Variants in XKR4 observed in about 807,000 individuals in gnomAD.
XKR4 encodes XK-related protein 4.
In XKR4, 12 loss-of-function variants were observed where a neutral mutation model predicts 53.9. That is an observed-to-expected ratio of 0.22 (90% CI 0.14 to 0.36). The LOEUF is 0.36. Among genes scored for constraint, XKR4 ranks in the 10% least tolerant of loss-of-function variants. The probability of loss-of-function intolerance (pLI) is 1.00; values close to 1 mark genes in which losing one functional copy is unlikely to be tolerated. For synonymous variants in XKR4, 354 were observed against 362.4 expected, an observed-to-expected ratio of 0.98 and a Z score of 0.26; for missense variants, 799 against 859.5, an observed-to-expected ratio of 0.93 and a Z score of 0.88.
At chr8:55,466,585 T>A (rs977849539) in intron 2 of XKR4, among the ~76,000 whole-genome samples, 4 of 151,818 alleles carry the variant, frequency 2.6e-5, no homozygotes, top group Non-Finnish European at 5.9e-5. Flanking sequence ...TGTATACATA[T>A]GTAACAAACC....
chr8:55,307,368 G>A (rs1337155086), intron 1 of XKR4, among the ~76,000 whole-genome samples: 1 of 152,162 alleles, frequency 6.6e-6, no homozygotes, highest in African/African-American at 2.4e-5. Context: ...ATATACAGGA[G>A]GGGTGCAGTG....
chr8:55,128,409 G>A (rs1195792609), intron 1 of XKR4, among the ~76,000 whole-genome samples: 1 of 152,176 alleles, frequency 6.6e-6, no homozygotes, highest in Admixed American at 6.5e-5. Flanking sequence ...CCCACTGAGA[G>A]GTAACTGAAG....
chr8:55,161,591 T>C (rs1816987359), intron 1 of XKR4: 5 of 456,218 alleles, frequency 1.1e-5, no homozygotes, highest in Non-Finnish European at 2.2e-5. Context: ...TGTCTGCATT[T>C]GTTAGATGTG....
chr8:55,484,439 G>A (rs1028735850), intron 2 of XKR4, among the ~76,000 whole-genome samples: 8 of 152,118 alleles, frequency 5.3e-5, no homozygotes, highest in Non-Finnish European at 1.0e-4. Context: ...TTGCAAACTA[G>A]AATTCCACAA....
At chr8:55,392,980 C>T (rs1259367923) in intron 2 of XKR4, among the ~76,000 whole-genome samples, 1 of 151,544 alleles carries the variant, frequency 6.6e-6, no homozygotes, top group Non-Finnish European at 1.5e-5. Flanking sequence ...ACCAAATTCC[C>T]CTGTTGATGA....
chr8:55,160,386 G>A (rs1043298736), intron 1 of XKR4, among the ~76,000 whole-genome samples: 7 of 152,180 alleles, frequency 4.6e-5, no homozygotes, highest in African/African-American at 1.7e-4. Flanking sequence ...TAGGATCAGT[G>A]GATCAGGAGG....
intron 1 of XKR4, among the ~76,000 whole-genome samples, chr8:55,208,656 G>A (rs1009146452): frequency 3.3e-5 from 5 of 151,770 alleles, no homozygotes; most frequent in Admixed American, 1.3e-4. Context: ...TAGTAGAGAC[G>A]GGATTTCACC....
intron 2 of XKR4, among the ~76,000 whole-genome samples, chr8:55,462,064 A>C (rs1805666935): frequency 6.6e-6 from 1 of 152,230 alleles, no homozygotes; most frequent in South Asian, 2.1e-4. Flanking sequence ...AATATTATCC[A>C]GGAGAACTTC....
At chr8:55,449,467 G>C in intron 2 of XKR4, 1 of 949,086 alleles carries the variant, frequency 1.1e-6, no homozygotes, top group South Asian at 1.5e-5. Flanking sequence ...CCTAGTGGTC[G>C]GTAACGACTG....
At chr8:55,155,445 A>G (rs1387966039) in intron 1 of XKR4, among the ~76,000 whole-genome samples, 1 of 152,204 alleles carries the variant, frequency 6.6e-6, no homozygotes, top group Non-Finnish European at 1.5e-5. Flanking sequence ...AAATAGATAT[A>G]CATTTTAAAA....
At chr8:55,179,974 C>T (rs1208539263) in intron 1 of XKR4, among the ~76,000 whole-genome samples, 1 of 152,138 alleles carries the variant, frequency 6.6e-6, no homozygotes, top group Non-Finnish European at 1.5e-5. Context: ...ATAACAAGCT[C>T]TCCTAGAAGA....
chr8:55,209,853 T>A (rs1302153060), intron 1 of XKR4, among the ~76,000 whole-genome samples: 1 of 152,240 alleles, frequency 6.6e-6, no homozygotes, highest in Non-Finnish European at 1.5e-5. Flanking sequence ...GACAGACCAG[T>A]ATGAGAACCC....
At chr8:55,174,848 G>A (rs567815849) in intron 1 of XKR4, among the ~76,000 whole-genome samples, 1 of 152,130 alleles carries the variant, frequency 6.6e-6, no homozygotes, top group South Asian at 2.1e-4. Flanking sequence ...ATGGAGCAGC[G>A]TGTGTCACAG....
intron 2 of XKR4, among the ~76,000 whole-genome samples, chr8:55,421,135 T>C (rs1022722899): frequency 6.6e-6 from 1 of 152,234 alleles, no homozygotes; most frequent in African/African-American, 2.4e-5. Flanking sequence ...CTAATAATAA[T>C]AGTGATTCTA....
At chr8:55,445,584 A>G (rs1230832736) in intron 2 of XKR4, among the ~76,000 whole-genome samples, 1 of 151,814 alleles carries the variant, frequency 6.6e-6, no homozygotes, top group African/African-American at 2.4e-5. Context: ...GCCTGAAATT[A>G]TGTCTGCTAG....
intron 1 of XKR4, among the ~76,000 whole-genome samples, chr8:55,232,933 G>A (rs1818064116): frequency 1.3e-5 from 2 of 152,166 alleles, no homozygotes; most frequent in Admixed American, 1.3e-4. Flanking sequence ...TCTCTTAATA[G>A]CCTCTGTTCT....
rs887207863 is a variant in XKR4 at position 55,377,177 on chromosome 8, C to T, written c.1006+19300C>T. On this transcript the variant is annotated intron_variant, in intron 2 of 2. Coordinates refer to ENST00000327381, the MANE Select transcript of XKR4 (RefSeq NM_052898.2). The stretch of plus-strand genomic sequence containing the variant: ...TGAGGCTCTCAATGGAAACTTGAGT[C>T]AAAAAACCCTTGCTGGAAATCTTGT... Among the ~76,000 whole-genome samples, 60 of 152,112 alleles carry T rather than the reference C, an allele frequency of 3.9e-4. 3 individuals carry two copies. The highest frequency in any genetic ancestry group is 1.4e-3 in the African/African-American group (60 of 41,402).
chr8:55,460,915 T>G lies in XKR4; in HGVS notation c.1007-62366T>G, dbSNP rs2658895. ...AGCAGTCTGAAATCAAACTGCAAGG[T>G]GGCAGCGAGGCTGGGGGAGGGGCAC... On this transcript the variant is annotated intron_variant, in intron 2 of 2. Transcript: ENST00000327381. 7.2e-5 allele frequency among the ~76,000 whole-genome samples: 11 copies of G among 152,034 alleles called. No homozygotes were observed. In the East Asian group the frequency reaches 1.7e-3, roughly 24 times the overall value.
chr8:55,414,445 G>A (rs1804816726), intron 2 of XKR4, among the ~76,000 whole-genome samples: 1 of 151,346 alleles, frequency 6.6e-6, no homozygotes, highest in East Asian at 1.9e-4. Flanking sequence ...TAAGATGGAA[G>A]CCACAGTTTG....
Sources: allele counts gnomAD v4.1 joint callset (sites outside exome capture counted in the v4.1 genomes callset), GRCh38; gene constraint gnomAD v4.1.1; transcripts MANE v1.5; gene names NCBI Gene and HGNC (gene_info 2026-07-23, HGNC 2026-07-21).